GPHN: variants seen among roughly 807,000 people sequenced by gnomAD.
The protein encoded by GPHN is gephyrin.
GPHN carries 17 observed loss-of-function variants against 95.5 expected under a neutral mutation model. That is an observed-to-expected ratio of 0.18 (90% CI 0.12 to 0.27). GPHN has a LOEUF of 0.27. Ranked by LOEUF, GPHN falls within the 10% of genes least tolerant of loss-of-function variation. The probability of loss-of-function intolerance (pLI) is 1.00; values close to 1 mark genes in which losing one functional copy is unlikely to be tolerated. For synonymous variants in GPHN, 320 were observed against 322.5 expected (o/e 0.99, Z 0.08); for missense variants, 660 against 978.1 (o/e 0.67, Z 4.34).
At chr14:67,290,463 C>T in the GPHN span, among the ~76,000 whole-genome samples, 2 of 152,240 alleles carry the variant, frequency 1.3e-5, no homozygotes, top group East Asian at 1.9e-4. Context: ...AGTGCAGTAG[C>T]GTGATCATGG....
At chr14:67,412,008 G>C in the GPHN span, 3 of 1,547,488 alleles carry the variant, frequency 1.9e-6, no homozygotes, top group Non-Finnish European at 1.7e-6. Flanking sequence ...GAAGCTCGAC[G>C]CGCACTCACC....
At chr14:66,588,955 A>G (rs1456017297) in intron 1 of GPHN, among the ~76,000 whole-genome samples, 1 of 152,144 alleles carries the variant, frequency 6.6e-6, no homozygotes, top group African/African-American at 2.4e-5. Flanking sequence ...GTTGAAATGA[A>G]GGAGAAAATG....
chr14:66,565,359 C>G (rs2060419487), intron 1 of GPHN, among the ~76,000 whole-genome samples: 1 of 151,970 alleles, frequency 6.6e-6, no homozygotes, highest in South Asian at 2.1e-4. Flanking sequence ...CAGTGTATGG[C>G]TGGATCACAG....
intron 8 of GPHN, among the ~76,000 whole-genome samples, chr14:66,962,364 A>G (rs965816953): frequency 6.0e-5 from 9 of 150,596 alleles, no homozygotes; most frequent in African/African-American, 1.7e-4. Context: ...TGGGGCAAAG[A>G]TTTGTTCTAG....
At chr14:66,835,019 C>T (rs1446202514) in intron 4 of GPHN, among the ~76,000 whole-genome samples, 3 of 148,588 alleles carry the variant, frequency 2.0e-5, no homozygotes, top group African/African-American at 7.4e-5. Flanking sequence ...TCCATTTCTT[C>T]TAGATTTTCT....
chr14:67,617,864 G>C, the GPHN span, among the ~76,000 whole-genome samples: 1 of 152,142 alleles, frequency 6.6e-6, no homozygotes, highest in Admixed American at 6.5e-5. Flanking sequence ...GGGATTACAG[G>C]TGCCCGCCAC....
chr14:67,462,319 C>T, the GPHN span, among the ~76,000 whole-genome samples: 1 of 152,272 alleles, frequency 6.6e-6, no homozygotes, highest in East Asian at 1.9e-4. Context: ...GGGAAAGGGA[C>T]TGGTTGCAAC....
rs187903236 is a variant in GPHN, at chr14:67,181,209, G to A, written c.*272G>A. 1,193 of 507,230 alleles carry A rather than the reference G, an allele frequency of 2.4e-3. 4 individuals carry two copies. Among genetic ancestry groups the A allele is most frequent in the Non-Finnish European group, 3.0e-3 (828 of 279,522 alleles). The allele number at this position is 507,230 out of a possible 1,614,324, so 31.4% of individuals were successfully genotyped here. A position where few individuals can be genotyped will look rare whatever the true frequency, so the allele number is the denominator to read the frequency against. On this transcript the variant is annotated 3_prime_UTR_variant, in exon 23 of 23. Transcript: ENST00000478722. ...TGTGTTCAATGCTAGGTCTGATAGC[G>A]ATAGCTTTTAGTAGACAGCGGTAGG... is the stretch of plus-strand genomic sequence containing the variant.
chr14:67,668,191 C>G, the GPHN span, among the ~76,000 whole-genome samples: 1,540 of 152,172 alleles, frequency 0.01, 34 homozygotes, highest in African/African-American at 0.036. Context: ...TATGACAAAA[C>G]CAAAACTAGA....
chr14:67,721,923 C>A, the GPHN span, among the ~76,000 whole-genome samples: 1 of 152,126 alleles, frequency 6.6e-6, no homozygotes, highest in South Asian at 2.1e-4. Context: ...AAACACCATA[C>A]CTTTCCTTGT....
chr14:67,247,685 C>A, the GPHN span, among the ~76,000 whole-genome samples: 1 of 152,002 alleles, frequency 6.6e-6, no homozygotes, highest in Non-Finnish European at 1.5e-5. Flanking sequence ...TCAGTTGATT[C>A]TCCCATCTCA....
At chr14:67,560,727 CTTT>C in the GPHN span, among the ~76,000 whole-genome samples, 17,550 of 126,134 alleles carry the variant, frequency 0.14, 1,111 homozygotes, top group East Asian at 0.27. Flanking sequence ...GAACATATAT[CTTT>C]TTTTTTTTTT....
chr14:66,786,148 A>G (rs918755494), intron 3 of GPHN, among the ~76,000 whole-genome samples: 1 of 152,138 alleles, frequency 6.6e-6, no homozygotes, highest in Non-Finnish European at 1.5e-5. Context: ...CTCTTGCTAC[A>G]TTGCAAAGAT....
At chr14:67,198,771 C>T in the GPHN span, among the ~76,000 whole-genome samples, 1 of 152,176 alleles carries the variant, frequency 6.6e-6, no homozygotes, top group African/African-American at 2.4e-5. Flanking sequence ...AATGTCCCTA[C>T]ATTATGAATG....
intron 1 of GPHN, among the ~76,000 whole-genome samples, chr14:66,532,663 A>C (rs903240154): frequency 4.6e-5 from 7 of 152,188 alleles, no homozygotes; most frequent in Non-Finnish European, 8.8e-5. Flanking sequence ...CAATTATTAT[A>C]AGAATATTGG....
At chr14:67,340,504 TC>T in the GPHN span, 7 of 1,605,782 alleles carry the variant, frequency 4.4e-6, no homozygotes, top group Non-Finnish European at 4.2e-6. Context: ...GTACGTTCAA[TC>T]CGGGGAATGA....
chr14:66,643,838 C>G (rs371808860), intron 1 of GPHN, among the ~76,000 whole-genome samples: 3 of 148,906 alleles, frequency 2.0e-5, no homozygotes, highest in African/African-American at 7.4e-5. Flanking sequence ...TCTTTTTATT[C>G]TTTTTCTTAT....
At chr14:66,813,576 C>T (rs1397784346) in intron 3 of GPHN, among the ~76,000 whole-genome samples, 1 of 152,224 alleles carries the variant, frequency 6.6e-6, no homozygotes, top group African/African-American at 2.4e-5. Flanking sequence ...ACCACAGACA[C>T]GTGAGGTGGC....
At chr14:67,732,955 G>A in the GPHN span, among the ~76,000 whole-genome samples, 440 of 152,104 alleles carry the variant, frequency 2.9e-3, no homozygotes, top group South Asian at 0.012. Context: ...TAGAAAAAAG[G>A]AACATTAAAA....
Sources: allele counts gnomAD v4.1 joint callset (sites outside exome capture counted in the v4.1 genomes callset), GRCh38; gene constraint gnomAD v4.1.1; transcripts MANE v1.5; gene names NCBI Gene and HGNC (gene_info 2026-07-23, HGNC 2026-07-21).